The following DOCK4 variants were observed in gnomAD, a reference collection of about 807,000 sequenced individuals.
The protein encoded by DOCK4 is dedicator of cytokinesis protein 4.
A neutral mutation model predicts 268.1 loss-of-function variants in DOCK4; 97 were observed. The observed-to-expected ratio is 0.36, with a 90% CI of 0.31 to 0.43. The LOEUF is 0.43. Ranked by LOEUF, DOCK4 falls within the 20% of genes least tolerant of loss-of-function variation. The pLI is 1.00. For synonymous variants in DOCK4, 954 were observed against 887.2 expected, an observed-to-expected ratio of 1.08 and a Z score of -1.34; for missense variants, 2,145 against 2,455.7, an observed-to-expected ratio of 0.87 and a Z score of 2.67.
intron 4 of DOCK4, among the ~76,000 whole-genome samples, 180 bp from the exon 5 acceptor site, chr7:111,994,411 T>C (rs1424791421): frequency 1.3e-5 from 2 of 152,134 alleles, no homozygotes. Context: ...GGTAGGACAA[T>C]ACCAGAACAA....
Position 111,838,914 on chromosome 7 carries a change from T to C in DOCK4, c.2737-4228A>G, listed in dbSNP as rs1238179621. On this transcript the variant is annotated intron_variant, in intron 25 of 52. Coordinates refer to ENST00000428084, the MANE Select transcript of DOCK4 (RefSeq NM_001363540.2). ...AAAAAGACATATGACAACACTATGA[T>C]TTATGGAATGGCACTATGTGTAAAT... 2.0e-5 allele frequency among the ~76,000 whole-genome samples: 3 copies of C among 152,256 alleles called. 1 individual carries two copies. The highest frequency in any genetic ancestry group is 1.5e-5 in the Non-Finnish European group (1 of 68,044).
chr7:112,032,766 T>A (rs1803391894), intron 1 of DOCK4, among the ~76,000 whole-genome samples: 1 of 152,106 alleles, frequency 6.6e-6, no homozygotes, highest in Non-Finnish European at 1.5e-5. Flanking sequence ...GGTGGAGGGA[T>A]AGGAAAGAGG....
In DOCK4 at chr7:111,726,238, A is replaced by C. The variant is rs1393053490; in HGVS notation, c.*2036T>G. 6.7e-6 allele frequency: 1 copy of C among 150,330 alleles called. No homozygotes were observed. Among genetic ancestry groups the C allele is most frequent in the Non-Finnish European group, 1.5e-5 (1 of 68,044 alleles). The allele number at this position is 150,330 out of a possible 1,614,324, so 9.3% of individuals were successfully genotyped here. The stretch of plus-strand genomic sequence containing the variant: ...CTTCAGAAATACACACACATGATAA[A>C]TTCAAGATAAATTCAACTGCTCACT... On this transcript the variant is annotated 3_prime_UTR_variant, in exon 53 of 53. Transcript: ENST00000428084.
At chr7:111,749,715 C>CA (rs1373651443) in intron 42 of DOCK4, among the ~76,000 whole-genome samples, 1 of 152,114 alleles carries the variant, frequency 6.6e-6, no homozygotes, top group East Asian at 1.9e-4. Flanking sequence ...TAGAGTTCAT[C>CA]AATATATGAA....
At chr7:111,890,418 GT>G (rs1392344614) in intron 16 of DOCK4, among the ~76,000 whole-genome samples, 1 of 152,118 alleles carries the variant, frequency 6.6e-6, no homozygotes, top group African/African-American at 2.4e-5. Context: ...AGGCTTATCT[GT>G]CAGCCATTTG....
intron 1 of DOCK4, among the ~76,000 whole-genome samples, chr7:112,127,447 T>C (rs1485172060): frequency 1.4e-5 from 2 of 145,188 alleles, no homozygotes; most frequent in Non-Finnish European, 3.0e-5. Flanking sequence ...CATTAGGAGA[T>C]ATACCTAATG....
intron 38 of DOCK4, among the ~76,000 whole-genome samples, chr7:111,766,745 A>G (rs945139707): frequency 2.5e-4 from 38 of 152,190 alleles, no homozygotes; most frequent in African/African-American, 8.9e-4. Context: ...AACTCTTCAA[A>G]CAGGGTGGAG....
At chr7:112,004,196 AT>A (rs1800671247) in intron 1 of DOCK4, 65 bp from the exon 2 acceptor site, 1 of 1,240,026 alleles carries the variant, frequency 8.1e-7, no homozygotes, top group African/African-American at 1.5e-5. Flanking sequence ...ATTACATGTT[AT>A]TGACTAGGAA....
intron 12 of DOCK4, among the ~76,000 whole-genome samples, chr7:111,927,825 T>C (rs1319623188): frequency 6.6e-6 from 1 of 152,166 alleles, no homozygotes; most frequent in East Asian, 1.9e-4. Flanking sequence ...AGACACCATG[T>C]GCAGGAAGGT....
chr7:112,020,685 T>TA (rs58803593), intron 1 of DOCK4, among the ~76,000 whole-genome samples: 3,670 of 116,822 alleles, frequency 0.031, 67 homozygotes, highest in African/African-American at 0.037. Context: ...ACCCTAAAAG[T>TA]AAAAAAAAAA....
At chr7:111,980,733 C>T (rs1246498451) in intron 7 of DOCK4, among the ~76,000 whole-genome samples, 1 of 152,186 alleles carries the variant, frequency 6.6e-6, no homozygotes, top group Non-Finnish European at 1.5e-5. Context: ...TGTCTCCAGA[C>T]AATGCCAAAT....
At chr7:111,744,994 T>C (rs1796171010) in intron 44 of DOCK4, among the ~76,000 whole-genome samples, 1 of 152,214 alleles carries the variant, frequency 6.6e-6, no homozygotes, top group African/African-American at 2.4e-5. Flanking sequence ...GCCTTTGTCA[T>C]GTTTCATCAC....
At chr7:111,832,307 C>T (rs567105515) in intron 26 of DOCK4, among the ~76,000 whole-genome samples, 78 of 152,316 alleles carry the variant, frequency 5.1e-4, no homozygotes, top group African/African-American at 1.7e-3. Context: ...ACCTCCCACA[C>T]GCTCCATAGC....
intron 1 of DOCK4, among the ~76,000 whole-genome samples, chr7:112,151,832 CCAAAAAA>C (rs112562618): frequency 1.3e-3 from 189 of 148,478 alleles, no homozygotes; most frequent in Middle Eastern, 0.011. Flanking sequence ...AATCTGATGA[CCAAAAAA>C]CAAAAAACAA....
intron 1 of DOCK4, among the ~76,000 whole-genome samples, chr7:112,183,713 C>G (rs1341175329): frequency 6.6e-6 from 1 of 152,100 alleles, no homozygotes; most frequent in East Asian, 1.9e-4. Flanking sequence ...TTGGGTAGTT[C>G]AATCAGATTG....
chr7:111,809,543 G>A, intron 28 of DOCK4, 142 bp from the exon 29 acceptor site: 1 of 639,292 alleles, frequency 1.6e-6, no homozygotes, highest in Non-Finnish European at 2.8e-6. Flanking sequence ...AATAGTTGAA[G>A]CTGGATATGG....
At chr7:112,039,383 G>GT (rs1253893997) in intron 1 of DOCK4, among the ~76,000 whole-genome samples, 1 of 136,538 alleles carries the variant, frequency 7.3e-6, no homozygotes, top group Admixed American at 7.3e-5. Context: ...TGGGGGGGGG[G>GT]GCTTAAAGAT....
At chr7:112,055,521 T>C (rs898768819) in intron 1 of DOCK4, among the ~76,000 whole-genome samples, 1 of 152,164 alleles carries the variant, frequency 6.6e-6, no homozygotes, top group Non-Finnish European at 1.5e-5. Flanking sequence ...GAATCGACTT[T>C]TTTTTCTTCC....
At chr7:112,047,124 G>A (rs922222281) in intron 1 of DOCK4, among the ~76,000 whole-genome samples, 1 of 152,138 alleles carries the variant, frequency 6.6e-6, no homozygotes, top group South Asian at 2.1e-4. Flanking sequence ...CTCCTAATTC[G>A]TGGGACACTT....
Sources: allele counts gnomAD v4.1 joint callset (sites outside exome capture counted in the v4.1 genomes callset), GRCh38; gene constraint gnomAD v4.1.1; transcripts MANE v1.5; gene names NCBI Gene and HGNC (gene_info 2026-07-23, HGNC 2026-07-21).